The following ATXN7L1 variants were observed in gnomAD, a reference collection of about 807,000 sequenced individuals.
The protein encoded by ATXN7L1 is ataxin 7 like 1, also known as ataxin-7-like protein 1.
In ATXN7L1, 15 loss-of-function variants were observed where a neutral mutation model predicts 70.8. That is an observed-to-expected ratio of 0.21 (90% CI 0.14 to 0.33). ATXN7L1 has a LOEUF of 0.33. Ranked by LOEUF, ATXN7L1 falls within the 10% of genes least tolerant of loss-of-function variation. The pLI is 1.00. For synonymous variants in ATXN7L1, 440 were observed against 445.1 expected (o/e 0.99, Z 0.14); for missense variants, 975 against 1,097.1 (o/e 0.89, Z 1.57).
intron 3 of ATXN7L1, among the ~76,000 whole-genome samples, chr7:105,742,254 A>G (rs1798092946): frequency 6.6e-6 from 1 of 152,212 alleles, no homozygotes; most frequent in South Asian, 2.1e-4. Context: ...TCTAGCCTTG[A>G]AATAAAGCTT....
chr7:105,658,599 T>G (rs1207580799), intron 4 of ATXN7L1, among the ~76,000 whole-genome samples: 2 of 150,094 alleles, frequency 1.3e-5, no homozygotes, highest in Non-Finnish European at 3.0e-5. Context: ...GCCAGGATCT[T>G]GGCTCGCCGC....
intron 2 of ATXN7L1, among the ~76,000 whole-genome samples, chr7:105,832,563 T>C (rs1352039129): frequency 6.6e-6 from 1 of 152,196 alleles, no homozygotes; most frequent in Non-Finnish European, 1.5e-5. Flanking sequence ...CCCAAGGGCA[T>C]TGCAGATGCC....
chr7:105,721,132 C>T (rs555196870), intron 3 of ATXN7L1, among the ~76,000 whole-genome samples: 103 of 152,256 alleles, frequency 6.8e-4, no homozygotes, highest in Non-Finnish European at 1.3e-3. Context: ...GTCCAGAACA[C>T]GGGGTCCCTG....
At chr7:105,758,512 G>A (rs1197718796) in intron 3 of ATXN7L1, among the ~76,000 whole-genome samples, 3 of 152,212 alleles carry the variant, frequency 2.0e-5, no homozygotes, top group African/African-American at 7.2e-5. Context: ...GACATTGGAA[G>A]GACTCAAGAG....
chr7:105,765,762 G>A (rs1801167279), intron 3 of ATXN7L1, among the ~76,000 whole-genome samples: 1 of 152,136 alleles, frequency 6.6e-6, no homozygotes. Flanking sequence ...AACTTCTTAT[G>A]GTCACCAGCA....
intron 3 of ATXN7L1, among the ~76,000 whole-genome samples, chr7:105,699,374 T>C (rs1328501583): frequency 6.6e-6 from 1 of 152,134 alleles, no homozygotes; most frequent in African/African-American, 2.4e-5. Context: ...TCAGGTGATC[T>C]GCCTGCCTCA....
At chr7:105,744,671 C>T (rs557697645) in intron 3 of ATXN7L1, among the ~76,000 whole-genome samples, 2 of 151,264 alleles carry the variant, frequency 1.3e-5, no homozygotes, top group South Asian at 2.1e-4. Flanking sequence ...CCATGAATGA[C>T]AGAGACTGAA....
intron 2 of ATXN7L1, among the ~76,000 whole-genome samples, chr7:105,856,799 G>T (rs1001775958): frequency 6.6e-6 from 1 of 151,698 alleles, no homozygotes; most frequent in Non-Finnish European, 1.5e-5. Flanking sequence ...AAAAGTGTGT[G>T]TGTATGTGTG....
At chr7:105,795,311 T>C (rs146698110) in intron 2 of ATXN7L1, among the ~76,000 whole-genome samples, 2 of 152,368 alleles carry the variant, frequency 1.3e-5, no homozygotes, top group African/African-American at 4.8e-5. Context: ...AACAGCCTTC[T>C]AGAGAGAACA....
intron 3 of ATXN7L1, among the ~76,000 whole-genome samples, chr7:105,681,678 T>A (rs887498042): frequency 6.6e-6 from 1 of 152,052 alleles, no homozygotes; most frequent in African/African-American, 2.4e-5. Flanking sequence ...GAATAGAGAA[T>A]CCTATAATGG....
intron 3 of ATXN7L1, among the ~76,000 whole-genome samples, chr7:105,693,858 G>A (rs1187373610): frequency 6.6e-6 from 1 of 152,138 alleles, no homozygotes; most frequent in African/African-American, 2.4e-5. Context: ...CTGAAATGGA[G>A]CCACCCTGGA....
At chr7:105,635,491 G>A (rs1037953153) in intron 7 of ATXN7L1, among the ~76,000 whole-genome samples, 1 of 152,142 alleles carries the variant, frequency 6.6e-6, no homozygotes, top group Non-Finnish European at 1.5e-5. Context: ...TATGTGCTTG[G>A]TACTTTCTCA....
chr7:105,620,718 A>C (rs920507583), intron 8 of ATXN7L1, among the ~76,000 whole-genome samples: 4 of 152,022 alleles, frequency 2.6e-5, no homozygotes, highest in Non-Finnish European at 5.9e-5. Flanking sequence ...AACATGGTGA[A>C]GCCCCGTTTC....
intron 3 of ATXN7L1, among the ~76,000 whole-genome samples, chr7:105,758,600 T>C (rs1269578942): frequency 3.3e-5 from 5 of 152,324 alleles, no homozygotes; most frequent in Non-Finnish European, 2.9e-5. Flanking sequence ...CCCCCTGCCA[T>C]GCCACTCTGA....
intron 2 of ATXN7L1, among the ~76,000 whole-genome samples, chr7:105,857,748 A>G (rs1480796608): frequency 6.6e-6 from 1 of 152,226 alleles, no homozygotes; most frequent in African/African-American, 2.4e-5. Context: ...AGATTGGATC[A>G]CACTTTACTT....
At chr7:105,730,140 C>T (rs1176292780) in intron 3 of ATXN7L1, among the ~76,000 whole-genome samples, 3 of 152,138 alleles carry the variant, frequency 2.0e-5, no homozygotes, top group Admixed American at 1.3e-4. Flanking sequence ...AGTAATTTCA[C>T]AGAGGACAAA....
At chr7:105,769,921 T>C (rs1584960539) in intron 3 of ATXN7L1, among the ~76,000 whole-genome samples, 2 of 152,232 alleles carry the variant, frequency 1.3e-5, no homozygotes, top group East Asian at 3.8e-4. Flanking sequence ...TCCTTGCCAG[T>C]GGCGTTCTGC....
intron 7 of ATXN7L1, among the ~76,000 whole-genome samples, chr7:105,624,786 G>A (rs564513754): frequency 5.3e-5 from 8 of 152,304 alleles, no homozygotes; most frequent in African/African-American, 1.7e-4. Context: ...ACACAGTCAA[G>A]TTAGGTTCTG....
chr7:105,774,111 G>C (rs1802397824), intron 3 of ATXN7L1, among the ~76,000 whole-genome samples: 1 of 152,118 alleles, frequency 6.6e-6, no homozygotes, highest in Non-Finnish European at 1.5e-5. Context: ...TGGCCATAAG[G>C]GCTAGAAGTT....
Sources: gnomAD v4.1 joint callset for allele counts (sites outside exome capture counted in the v4.1 genomes callset) on GRCh38, gnomAD v4.1.1 for gene constraint, MANE v1.5 for transcripts, NCBI Gene and HGNC (gene_info 2026-07-23, HGNC 2026-07-21) for gene names.